MDGA1: variants seen among roughly 807,000 people sequenced by gnomAD.
MDGA1 encodes the protein MAM domain containing glycosylphosphatidylinositol anchor 1, also known as MAM domain-containing glycosylphosphatidylinositol anchor protein 1.
MDGA1 carries 54 observed loss-of-function variants against 101.5 expected under a neutral mutation model. That is an observed-to-expected ratio of 0.53 (90% CI 0.43 to 0.67). The LOEUF is 0.67. Among genes scored for constraint, MDGA1 ranks in the 30% least tolerant of loss-of-function variants. The pLI, the probability that MDGA1 is intolerant of heterozygous loss-of-function variation, is 0.00. For synonymous variants in MDGA1, 533 were observed against 558.3 expected (o/e 0.95, Z 0.64); for missense variants, 1,083 against 1,323.8 (o/e 0.82, Z 2.82).
intron 1 of MDGA1, among the ~76,000 whole-genome samples, chr6:37,689,580 CA>C (rs529206699): frequency 8.6e-4 from 131 of 152,364 alleles, no homozygotes; most frequent in African/African-American, 2.9e-3. Flanking sequence ...GCTTAGAAAG[CA>C]GATGTAACTT....
At position 37,652,904 on chromosome 6, in the gene MDGA1, T is replaced by TAA. The variant is rs1581859232; in HGVS notation, c.983-565_983-564insTT. On this transcript the variant is annotated intron_variant, in intron 6 of 16. Coordinates refer to ENST00000434837, the MANE Select transcript of MDGA1 (RefSeq NM_153487.4). This position sits in a 1 kb window ranked among gnomAD's most constrained non-coding sequence, Gnocchi z 4.3. ...TGAGGAGAATTGACAATTGAATTCTTACATTTCACTCTTTTGTGCTGTTTG... is the reference window on the plus strand; with the variant it reads ...TGAGGAGAATTGACAATTGAATTCTTAAACATTTCACTCTTTTGTGCTGTTTG... 6.6e-6 allele frequency among the ~76,000 whole-genome samples: 1 copy of TAA among 152,280 alleles called. No homozygotes were observed. The highest frequency in any genetic ancestry group is 1.9e-4 in the East Asian group (1 of 5,208).
chr6:37,694,319 G>A (rs1762373793), intron 1 of MDGA1, among the ~76,000 whole-genome samples: 1 of 152,206 alleles, frequency 6.6e-6, no homozygotes, highest in African/African-American at 2.4e-5. Flanking sequence ...CCAAGTCCTA[G>A]AGAGACTTCT....
At position 37,638,396 on chromosome 6, in the gene MDGA1, C is replaced by A; in HGVS notation, c.2668-83G>T. 6.6e-7 allele frequency: 1 copy of A among 1,506,280 alleles called. No homozygotes were observed. Among genetic ancestry groups the A allele is most frequent in the East Asian group, 2.3e-5 (1 of 44,004 alleles). 93.3% of individuals were successfully genotyped at this position (1,506,280 alleles called of 1,614,324 possible). ...AGTGCTCCCTCGACCCCACCTTTCC[C>A]CTTAATCTACCTGGAAGTTCCCCCT... On this transcript the variant is annotated intron_variant, in intron 15 of 16. Coordinates refer to ENST00000434837, the MANE Select transcript of MDGA1 (RefSeq NM_153487.4). This position sits in a 1 kb window ranked among gnomAD's most constrained non-coding sequence, Gnocchi z 4.8.
chr6:37,655,949 G>A lies in MDGA1; in HGVS notation c.383-53C>T, dbSNP rs1761477727. Reference sequence around the variant, plus strand: ...AGGACTGGGTGACCCCAAGGTTGGGGGGCTCAGGCTCCTGGCAGCCCTTAG... The same window carrying A: ...AGGACTGGGTGACCCCAAGGTTGGGAGGCTCAGGCTCCTGGCAGCCCTTAG... On this transcript the variant is annotated intron_variant, in intron 3 of 16. Coordinates refer to ENST00000434837, the MANE Select transcript of MDGA1 (RefSeq NM_153487.4). This position sits in a 1 kb window ranked among gnomAD's most constrained non-coding sequence, Gnocchi z 5.1. 1 of 1,491,236 alleles carries A rather than the reference G, an allele frequency of 6.7e-7. No homozygotes were observed. Among genetic ancestry groups the A allele is most frequent in the Non-Finnish European group, 9.0e-7 (1 of 1,105,372 alleles). 92.4% of individuals were successfully genotyped at this position (1,491,236 alleles called of 1,614,324 possible).
At chr6:37,640,486 G>A (rs1270802179) in intron 14 of MDGA1, among the ~76,000 whole-genome samples, 1 of 151,966 alleles carries the variant, frequency 6.6e-6, no homozygotes, top group East Asian at 1.9e-4. Flanking sequence ...CCGTAGGCAC[G>A]CACCACCACA....
chr6:37,682,199 G>C (rs912343030), intron 1 of MDGA1, among the ~76,000 whole-genome samples: 3 of 152,186 alleles, frequency 2.0e-5, no homozygotes, highest in Non-Finnish European at 4.4e-5. Flanking sequence ...AAACTGAGCA[G>C]GTAGGCTGGG....
intron 1 of MDGA1, among the ~76,000 whole-genome samples, chr6:37,686,129 A>T (rs1163016835): frequency 1.3e-5 from 2 of 152,168 alleles, no homozygotes; most frequent in Non-Finnish European, 2.9e-5. Flanking sequence ...CCTTGAAGCT[A>T]AGAATGGCCA....
intron 1 of MDGA1, among the ~76,000 whole-genome samples, chr6:37,673,461 G>T (rs1006691548): frequency 1.3e-5 from 2 of 152,218 alleles, no homozygotes; most frequent in African/African-American, 4.8e-5. Context: ...AATGGCGGTC[G>T]GGGGCCTGGG....
At chr6:37,665,936 A>T (rs1228630149) in intron 1 of MDGA1, among the ~76,000 whole-genome samples, 1 of 152,186 alleles carries the variant, frequency 6.6e-6, no homozygotes, top group Non-Finnish European at 1.5e-5. Flanking sequence ...CCACCTGTTC[A>T]GCAGAAATTC....
At chr6:37,679,648 C>T (rs1046799748) in intron 1 of MDGA1, among the ~76,000 whole-genome samples, 8 of 152,168 alleles carry the variant, frequency 5.3e-5, no homozygotes, top group Non-Finnish European at 1.0e-4. Context: ...CCAGTGACAG[C>T]GGCAGCTTCC....
intron 1 of MDGA1, among the ~76,000 whole-genome samples, chr6:37,669,829 T>C (rs1761832293): frequency 6.6e-6 from 1 of 152,216 alleles, no homozygotes; most frequent in Admixed American, 6.5e-5. Flanking sequence ...CTGGAGATAC[T>C]GTCATGAAAA....
At chr6:37,646,534 C>T (rs1260691168) in intron 10 of MDGA1, among the ~76,000 whole-genome samples, 159 bp from the exon 11 acceptor site, 1 of 152,118 alleles carries the variant, frequency 6.6e-6, no homozygotes, top group African/African-American at 2.4e-5. Context: ...AAGTGTGGGG[C>T]ACTGTTCTAA....
In MDGA1 at chr6:37,696,111, CAGGA is replaced by C. The variant is rs2114121840; in HGVS notation, c.67+630_67+633del. On this transcript the variant is annotated intron_variant, in intron 1 of 16. Coordinates refer to ENST00000434837, the MANE Select transcript of MDGA1 (RefSeq NM_153487.4). The surrounding 1 kb of genome is among the most constrained non-coding windows in gnomAD (Gnocchi z 5.6). Reference sequence around the variant, plus strand: ...GGCTGAATGTATCTGTGTGTGCGCGCAGGAAGGAAGGTGGGGTTGGGGTTTGTAG... The same window carrying C: ...GGCTGAATGTATCTGTGTGTGCGCGCAGGAAGGTGGGGTTGGGGTTTGTAG... Among the ~76,000 whole-genome samples the C allele has an allele frequency of 6.6e-6, 1 of 151,932 alleles. No homozygotes were observed. Among genetic ancestry groups the C allele is most frequent in the African/African-American group, 2.4e-5 (1 of 41,420 alleles).
At chr6:37,648,822 C>T (rs1017496996) in intron 9 of MDGA1, among the ~76,000 whole-genome samples, 160 bp downstream of exon 9, 2 of 152,090 alleles carry the variant, frequency 1.3e-5, no homozygotes, top group Admixed American at 6.5e-5. Flanking sequence ...CTGGCCTTGG[C>T]GTGGGCGGGT....
At chr6:37,649,529 C>T (rs1490191809) in intron 8 of MDGA1, among the ~76,000 whole-genome samples, 3 of 152,164 alleles carry the variant, frequency 2.0e-5, no homozygotes, top group Non-Finnish European at 4.4e-5. Flanking sequence ...GGGCCCCTCA[C>T]CCCACGCCCA....
chr6:37,657,805 C>T (rs1256035478), intron 3 of MDGA1, among the ~76,000 whole-genome samples: 4 of 152,076 alleles, frequency 2.6e-5, no homozygotes, highest in African/African-American at 9.7e-5. Flanking sequence ...GGGGCTTGGT[C>T]CTATATGTAA....
chr6:37,667,217 A>C (rs1220022632), intron 1 of MDGA1, among the ~76,000 whole-genome samples: 6 of 152,202 alleles, frequency 3.9e-5, no homozygotes, highest in East Asian at 1.9e-4. Flanking sequence ...TGCAGACAGC[A>C]GCGGGTTCGG....
intron 1 of MDGA1, among the ~76,000 whole-genome samples, chr6:37,676,902 G>GAAAAA (rs564072339): frequency 1.4e-5 from 1 of 71,472 alleles, no homozygotes; most frequent in Non-Finnish European, 2.8e-5. Context: ...CATCTCAACA[G>GAAAAA]AAAAAAAAAA....
At chr6:37,682,642 T>A (rs1200057683) in intron 1 of MDGA1, among the ~76,000 whole-genome samples, 1 of 152,212 alleles carries the variant, frequency 6.6e-6, no homozygotes, top group East Asian at 1.9e-4. Context: ...ATTTCTCTCC[T>A]GACAAATGAT....
Sources: allele counts gnomAD v4.1 joint callset (sites outside exome capture counted in the v4.1 genomes callset), GRCh38; gene constraint gnomAD v4.1.1; non-coding constraint Gnocchi (gnomAD v3.1); transcripts MANE v1.5; gene names NCBI Gene and HGNC (gene_info 2026-07-23, HGNC 2026-07-21).